PLXNB1: variants seen among roughly 807,000 people sequenced by gnomAD.
PLXNB1 encodes plexin B1, also known as plexin-B1.
PLXNB1 carries 106 observed loss-of-function variants against 209.4 expected under a neutral mutation model. That is an observed-to-expected ratio of 0.51 (90% confidence interval 0.43 to 0.59). The LOEUF (loss-of-function observed/expected upper bound fraction) is 0.59, where lower values mean the gene tolerates loss of function less well. Among genes scored for constraint, PLXNB1 ranks in the 20% least tolerant of loss-of-function variants. The probability of loss-of-function intolerance (pLI) is 0.00; values close to 1 mark genes in which losing one functional copy is unlikely to be tolerated. For missense variants in PLXNB1, 2,357 were observed against 2,853.2 expected, an observed-to-expected ratio of 0.83 and a Z score of 3.96; for synonymous variants, 1,167 against 1,183.2, an observed-to-expected ratio of 0.99 and a Z score of 0.28.
rs556830862 is a variant in PLXNB1 at position 48,413,142 on chromosome 3, G to A, written c.4563C>T (p.Asp1521=). The A allele has an allele frequency of 7.4e-6, 12 of 1,613,210 alleles. No individual in the cohort carries two copies. The African/African-American group carries it at 1.6e-4, about 21-fold the overall frequency. The change falls in exon 24 of 38, where the codon GAC becomes GAT. Residue 1521 remains aspartate, a synonymous_variant. Transcript: ENST00000296440. This position sits in a 1 kb window ranked among gnomAD's most constrained non-coding sequence, Gnocchi z 5.4. ...YRRKSKQALR[D]YKKVQIQLEN... is the part of the protein sequence containing the mutation. ...CCAGCTGGATCTGAACCTTCTTATAGTCCCTCAGGGCCTGCTTGCTCTTCC... is the reference window on the plus strand; with the variant it reads ...CCAGCTGGATCTGAACCTTCTTATAATCCCTCAGGGCCTGCTTGCTCTTCC...
In PLXNB1 at chr3:48,413,760, G is replaced by C; in HGVS notation, c.4445C>G (p.Pro1482Arg). The change falls in exon 23 of 38, where the codon CCT becomes CGT. Residue 1482 changes from proline to arginine, a missense_variant. Physicochemically the swap from Pro to Arg is moderately radical, Grantham distance 103. Coordinates refer to ENST00000296440, the MANE Select transcript of PLXNB1 (RefSeq NM_001130082.3). This position sits in a 1 kb window ranked among gnomAD's most constrained non-coding sequence, Gnocchi z 5.4. ...CTGGGCTGCCACAGGAAAAGCCCCAGGGCTCTCGCCGTCATACTGCACGTG... is the reference window on the plus strand; with the variant it reads ...CTGGGCTGCCACAGGAAAAGCCCCACGGCTCTCGCCGTCATACTGCACGTG... ...LGHVQYDGESPGAFPVAAQVG... is the reference protein window; with the variant it reads ...LGHVQYDGESRGAFPVAAQVG... 6.2e-7 allele frequency: 1 copy of C among 1,613,848 alleles called. No homozygotes were observed. The highest frequency in any genetic ancestry group is 8.5e-7 in the Non-Finnish European group (1 of 1,180,026).
chr3:48,413,563 TG>T lies in PLXNB1; in HGVS notation c.4535+106del. The T allele has an allele frequency of 8.3e-7, 1 of 1,201,246 alleles. No individual in the cohort carries two copies. The highest frequency in any genetic ancestry group is 1.6e-5 in the South Asian group (1 of 62,682). The allele number at this position is 1,201,246 out of a possible 1,614,324, so 74.4% of individuals were successfully genotyped here. On this transcript the variant is annotated intron_variant, in intron 23 of 37. Transcript: ENST00000296440. The surrounding 1 kb of genome is among the most constrained non-coding windows in gnomAD (Gnocchi z 5.4). ...CTGCAAAGCGAAAATATTTACTCTC[TG>T]GCCATTTACAGAGAATGTTTCCTGA...
rs779619505 is a variant in PLXNB1, at chr3:48,416,496, G to A, written c.3375-45C>T. The A allele has an allele frequency of 7.3e-7, 1 of 1,363,310 alleles. No individual in the cohort carries two copies. Among genetic ancestry groups the A allele is most frequent in the South Asian group, 1.2e-5 (1 of 80,098 alleles). The allele number at this position is 1,363,310 out of a possible 1,614,324, so 84.5% of individuals were successfully genotyped here. A position where few individuals can be genotyped will look rare whatever the true frequency, so the allele number is the denominator to read the frequency against. On this transcript the variant is annotated intron_variant, in intron 16 of 37. Transcript: ENST00000296440. The surrounding 1 kb of genome is among the most constrained non-coding windows in gnomAD (Gnocchi z 4.1). Reference sequence around the variant, plus strand: ...TAGGGGGTGCCAGGCTGCATCAAGGGCCCCTCAAGCTTACCTGGCAGCCCC... The same window carrying A: ...TAGGGGGTGCCAGGCTGCATCAAGGACCCCTCAAGCTTACCTGGCAGCCCC...
At chr3:48,421,554 A>G in intron 7 of PLXNB1, 120 bp downstream of exon 7, 2 of 1,220,380 alleles carry the variant, frequency 1.6e-6, no homozygotes, top group Non-Finnish European at 2.3e-6. Flanking sequence ...CTCCTAAAAG[A>G]AGTGACTTGT....
Position 48,423,994 on chromosome 3 carries a change from C to T in PLXNB1, c.618G>A (p.Leu206=). Residue 206 remains leucine (L), a synonymous_variant, in exon 3 of 38, where the codon CTG becomes CTA. Coordinates refer to ENST00000296440, the MANE Select transcript of PLXNB1 (RefSeq NM_001130082.3). Reference sequence around the variant, plus strand: ...TGTACTCGGAGAGGCGGCCCACTGCCAGCTTGGCTGTCTCCTCATAGGAGA... The same window carrying T: ...TGTACTCGGAGAGGCGGCCCACTGCTAGCTTGGCTGTCTCCTCATAGGAGA... ...AAFSYEETAK[L]AVGRLSEYSH... The T allele has an allele frequency of 6.2e-7, 1 of 1,613,234 alleles. No homozygotes were observed. Among genetic ancestry groups the T allele is most frequent in the Non-Finnish European group, 8.5e-7 (1 of 1,179,716 alleles).
Position 48,405,085 on chromosome 3 carries a change from T to A in PLXNB1, c.6304-495A>T, listed in dbSNP as rs566076378. Among the ~76,000 whole-genome samples, 1 of 152,186 alleles carries A rather than the reference T, an allele frequency of 6.6e-6. No homozygotes were observed. The highest frequency in any genetic ancestry group is 2.4e-5 in the African/African-American group (1 of 41,446). On this transcript the variant is annotated intron_variant, in intron 37 of 37. Coordinates refer to ENST00000296440, the MANE Select transcript of PLXNB1 (RefSeq NM_001130082.3). This position sits in a 1 kb window ranked among gnomAD's most constrained non-coding sequence, Gnocchi z 5.0. ...CCCACTATGTCTCCACAAGGGGACA[T>A]GCCTGCATCACACCCTGCCTCCCCC...
chr3:48,416,293 C>G lies in PLXNB1; in HGVS notation c.3480+53G>C. On this transcript the variant is annotated intron_variant, in intron 17 of 37. Coordinates refer to ENST00000296440, the MANE Select transcript of PLXNB1 (RefSeq NM_001130082.3). This position sits in a 1 kb window ranked among gnomAD's most constrained non-coding sequence, Gnocchi z 4.1. ...GAATAACCAGATGGGTTGAGAGGAG[C>G]CACCAGAGAGGTTGGCCCGCTGGCA... The G allele has an allele frequency of 6.4e-7, 1 of 1,561,812 alleles. No homozygotes were observed. The highest frequency in any genetic ancestry group is 8.8e-7 in the Non-Finnish European group (1 of 1,138,188).
Position 48,424,538 on chromosome 3 carries a change from G to T in PLXNB1, c.74C>A (p.Pro25Gln). 1 of 1,583,912 alleles carries T rather than the reference G, an allele frequency of 6.3e-7. No individual in the cohort carries two copies. Among genetic ancestry groups the T allele is most frequent in the Non-Finnish European group, 8.6e-7 (1 of 1,166,020 alleles). ...GWVLTLQPLP[P>Q]TAFTPNGTYL... ...CGTGCCATTGGGAGTGAATGCAGTT[G>T]GTGGAAGGGGCTGGAGGGTGAGGAC... Residue 25 changes from proline (P) to glutamine (Q), a missense_variant, in exon 3 of 38, where the codon CCA (proline) becomes CAA (glutamine). This residue lies in a region of PLXNB1 where 107 missense variants were observed against 167.2 expected (regional missense o/e 0.64). Coordinates refer to ENST00000296440, the MANE Select transcript of PLXNB1 (RefSeq NM_001130082.3).
chr3:48,423,461 G>C (rs1278029933), intron 3 of PLXNB1, 44 bp downstream of exon 3: 3 of 1,585,030 alleles, frequency 1.9e-6, no homozygotes, highest in Admixed American at 3.4e-5. Context: ...TGCTTGGCCA[G>C]TGGCCTCAGA....
In PLXNB1 at chr3:48,417,134, T is replaced by C. The variant is rs978010013; in HGVS notation, c.3375-683A>G. The stretch of plus-strand genomic sequence containing the variant: ...ACAGCAGTCTTATGGTCTGGAACAC[T>C]AACAGTCTAGATAGTCACCGTAAGT... On this transcript the variant is annotated intron_variant, in intron 16 of 37. Transcript: ENST00000296440. The surrounding 1 kb of genome is among the most constrained non-coding windows in gnomAD (Gnocchi z 4.4). Among the ~76,000 whole-genome samples, 1 of 152,134 alleles carries C rather than the reference T, an allele frequency of 6.6e-6. No homozygotes were observed. Among genetic ancestry groups the C allele is most frequent in the Admixed American group, 6.5e-5 (1 of 15,280 alleles).
chr3:48,422,307 C>T (rs1476736909), intron 5 of PLXNB1, 24 bp downstream of exon 5: 1 of 1,610,336 alleles, frequency 6.2e-7, no homozygotes, highest in Non-Finnish European at 8.5e-7. Flanking sequence ...AGCAGCCATG[C>T]CCTGGCTTGT....
intron 10 of PLXNB1, 95 bp downstream of exon 10, chr3:48,420,570 C>A (rs2038441698): frequency 1.0e-6 from 1 of 987,728 alleles, no homozygotes; most frequent in Non-Finnish European, 1.6e-6. Context: ...CAGGACAGAG[C>A]CTCACATAGG....
chr3:48,415,990 G>A lies in PLXNB1; in HGVS notation c.3617+41C>T. The A allele has an allele frequency of 6.3e-7, 1 of 1,582,716 alleles. No homozygotes were observed. The highest frequency in any genetic ancestry group is 8.6e-7 in the Non-Finnish European group (1 of 1,162,512). ...TCTCAGACCCCTCCATCTTTCCCCT[G>A]GAGCAGATGGATTTTTGCAGGATGA... On this transcript the variant is annotated intron_variant, in intron 18 of 37. Transcript: ENST00000296440. This position sits in a 1 kb window ranked among gnomAD's most constrained non-coding sequence, Gnocchi z 5.0.
Position 48,409,820 on chromosome 3 carries a change from AC to A in PLXNB1, c.5778+84del. ...AGACACCCCCCGGCACTGTGCCTGCACGAGCCCCACACCACCCCCAAATCCC... is the reference window on the plus strand; with the variant it reads ...AGACACCCCCCGGCACTGTGCCTGCAGAGCCCCACACCACCCCCAAATCCC... On this transcript the variant is annotated intron_variant, in intron 32 of 37. Coordinates refer to ENST00000296440, the MANE Select transcript of PLXNB1 (RefSeq NM_001130082.3). This position sits in a 1 kb window ranked among gnomAD's most constrained non-coding sequence, Gnocchi z 5.8. The A allele has an allele frequency of 6.3e-7, 1 of 1,575,342 alleles. No individual in the cohort carries two copies. Among genetic ancestry groups the A allele is most frequent in the Non-Finnish European group, 8.7e-7 (1 of 1,154,844 alleles).
At chr3:48,423,028 TC>T in intron 3 of PLXNB1, 81 bp from the exon 4 acceptor site, 1 of 1,243,976 alleles carries the variant, frequency 8.0e-7, no homozygotes, top group Non-Finnish European at 1.1e-6. Context: ...CCTCATTCCC[TC>T]CCCCAGCCGC....
In PLXNB1 at chr3:48,411,034, G is replaced by T. The variant is rs758560874; in HGVS notation, c.5250C>A (p.Thr1750=). ...GCCCCACAGCCAATAGTGCATTCAA[G>T]GTCTGTGCAGGACACACAGGAGCCA... The part of the protein sequence containing the change: ...LREDVEYRPL[T]LNALLAVGPG... Residue 1750 remains threonine, a splice_region_variant and synonymous_variant, in exon 29 of 38, where the codon ACC becomes ACA. Transcript: ENST00000296440. This position sits in a 1 kb window ranked among gnomAD's most constrained non-coding sequence, Gnocchi z 4.0. The T allele has an allele frequency of 1.2e-6, 2 of 1,612,712 alleles. No individual in the cohort carries two copies. The highest frequency in any genetic ancestry group is 2.2e-5 in the East Asian group (1 of 44,862).
Position 48,423,989 on chromosome 3 carries a change from A to G in PLXNB1, c.623T>C (p.Val208Ala). 6.2e-7 allele frequency: 1 copy of G among 1,613,350 alleles called. No homozygotes were observed. Among genetic ancestry groups the G allele is most frequent in the Non-Finnish European group, 8.5e-7 (1 of 1,179,756 alleles). ...GTGGCTGTACTCGGAGAGGCGGCCC[A>G]CTGCCAGCTTGGCTGTCTCCTCATA... The part of the protein sequence containing the change: ...FSYEETAKLA[V>A]GRLSEYSHHF... Residue 208 changes from valine to alanine, a missense_variant, in exon 3 of 38, where the codon GTG becomes GCG. By Grantham distance (64) the Val-to-Ala change is moderately conservative. Around this residue, in one of 7 missense-constraint regions of PLXNB1, gnomAD observed 404 missense variants for 443.6 expected, o/e 0.91. Coordinates refer to ENST00000296440, the MANE Select transcript of PLXNB1 (RefSeq NM_001130082.3).
Position 48,418,505 on chromosome 3 carries a change from C to T in PLXNB1, c.2993G>A (p.Gly998Glu). The T allele has an allele frequency of 6.2e-7, 1 of 1,611,128 alleles. No homozygotes were observed. Among genetic ancestry groups the T allele is most frequent in the Non-Finnish European group, 8.5e-7 (1 of 1,178,894 alleles). Residue 998 changes from glycine (G) to glutamate (E), a missense_variant, in exon 14 of 38, where the codon GGG becomes GAG. Physicochemically the swap from Gly to Glu is moderately conservative, Grantham distance 98 (BLOSUM62 -2). Transcript: ENST00000296440. This position sits in a 1 kb window ranked among gnomAD's most constrained non-coding sequence, Gnocchi z 6.6. ...YEALQPELRV[G>E]LFLRRAGRLR... ...ACGGCCGGCCCGACGCAGAAACAGCCCCACACGGAGCTCCGGCTGCAGAGC... is the reference window on the plus strand; with the variant it reads ...ACGGCCGGCCCGACGCAGAAACAGCTCCACACGGAGCTCCGGCTGCAGAGC...
Position 48,419,150 on chromosome 3 carries a change from C to T in PLXNB1, c.2832+94G>A, listed in dbSNP as rs1237618679. ...AGCTTCTGGGTTGGAGTTGAGCCCTCGGACTCTGCCCTCCTCCTGCTCCCC... is the reference window on the plus strand; with the variant it reads ...AGCTTCTGGGTTGGAGTTGAGCCCTTGGACTCTGCCCTCCTCCTGCTCCCC... On this transcript the variant is annotated intron_variant, in intron 12 of 37. Coordinates refer to ENST00000296440, the MANE Select transcript of PLXNB1 (RefSeq NM_001130082.3). This position sits in a 1 kb window ranked among gnomAD's most constrained non-coding sequence, Gnocchi z 5.7. 2.6e-6 allele frequency: 4 copies of T among 1,560,480 alleles called. No homozygotes were observed. Among genetic ancestry groups the T allele is most frequent in the Non-Finnish European group, 3.5e-6 (4 of 1,147,774 alleles).
Sources: allele counts gnomAD v4.1 joint callset (sites outside exome capture counted in the v4.1 genomes callset), GRCh38; gene constraint gnomAD v4.1.1; regional missense constraint gnomAD v4.1.1; non-coding constraint Gnocchi (gnomAD v3.1); transcripts MANE v1.5; gene names NCBI Gene and HGNC (gene_info 2026-07-23, HGNC 2026-07-21).